The following CDC42BPA variants were observed in gnomAD, a reference collection of about 807,000 sequenced individuals.
CDC42BPA encodes the protein serine/threonine-protein kinase MRCK alpha.
In CDC42BPA, 80 loss-of-function variants were observed where a neutral mutation model predicts 223.5. That is an observed-to-expected ratio of 0.36 (90% CI 0.30 to 0.43). The LOEUF is 0.43. CDC42BPA is among the 20% of genes least tolerant of loss of function. CDC42BPA has a pLI of 1.00. For missense variants in CDC42BPA, 1,743 were observed against 2,099.9 expected (o/e 0.83, Z 3.32); for synonymous variants, 694 against 718.6 (o/e 0.97, Z 0.55).
chr1:227,052,723 A>C (rs950891826), intron 21 of CDC42BPA, among the ~76,000 whole-genome samples: 1 of 152,208 alleles, frequency 6.6e-6, no homozygotes, highest in Non-Finnish European at 1.5e-5. Context: ...GTTGTACAGC[A>C]AAACAATGTT....
intron 17 of CDC42BPA, among the ~76,000 whole-genome samples, chr1:227,076,649 G>A (rs1679545003): frequency 6.6e-6 from 1 of 152,138 alleles, no homozygotes; most frequent in Admixed American, 6.5e-5. Context: ...TTAGAGGTAG[G>A]TGTCTTATCT....
At chr1:227,077,679 C>T (rs541441771) in intron 17 of CDC42BPA, among the ~76,000 whole-genome samples, 1 of 152,128 alleles carries the variant, frequency 6.6e-6, no homozygotes, top group African/African-American at 2.4e-5. Flanking sequence ...GAAATCTCTA[C>T]TAAGATGTCT....
At chr1:227,204,588 A>G (rs1306453652) in intron 3 of CDC42BPA, among the ~76,000 whole-genome samples, 2 of 152,160 alleles carry the variant, frequency 1.3e-5, no homozygotes, top group African/African-American at 4.8e-5. Flanking sequence ...CCTTGAAATC[A>G]TTTCAACTTC....
intron 35 of CDC42BPA, among the ~76,000 whole-genome samples, chr1:226,996,031 CATAA>C (rs887879341): frequency 2.2e-4 from 33 of 152,316 alleles, no homozygotes; most frequent in African/African-American, 7.5e-4. Context: ...CACAAGCGTT[CATAA>C]ATAAACTGAA....
intron 32 of CDC42BPA, among the ~76,000 whole-genome samples, chr1:227,020,814 T>C (rs530308806): frequency 1.3e-5 from 2 of 152,370 alleles, no homozygotes; most frequent in East Asian, 3.9e-4. Context: ...GCTTGCAGCC[T>C]ATCTCGACTT....
intron 1 of CDC42BPA, among the ~76,000 whole-genome samples, chr1:227,269,009 A>G (rs1381529818): frequency 6.6e-6 from 1 of 152,174 alleles, no homozygotes; most frequent in Non-Finnish European, 1.5e-5. Flanking sequence ...TATTTAAAAA[A>G]AAGTCTGGTA....
rs59744442 is a variant in CDC42BPA, at chr1:227,179,635, C to CAAAAAAA, written c.599+14144_599+14150dup. ...TGGGCAACAGAGCGAGCCTCCATCT[C>CAAAAAAA]AAAAAAAAAAAAAAAAAAAAAAAAA... On this transcript the variant is annotated intron_variant, in intron 5 of 36. Transcript: ENST00000366766. Among the ~76,000 whole-genome samples the CAAAAAAA allele has an allele frequency of 1.3e-3, 46 of 34,226 alleles. 10 individuals are homozygous for CAAAAAAA. The highest frequency in any genetic ancestry group is 4.0e-3 in the South Asian group (2 of 506). 22.5% of individuals were successfully genotyped at this position (34,226 alleles called of 152,430 possible).
Position 227,028,787 on chromosome 1 carries a change from A to G in CDC42BPA, c.4302T>C (p.Ala1434=). The change falls in exon 30 of 37, where the codon GCT becomes GCC. Residue 1434 remains alanine (A), a synonymous_variant. Coordinates refer to ENST00000366766, the MANE Select transcript of CDC42BPA (RefSeq NM_001394014.1). The part of the protein sequence containing the change: ...LSFIAHQPMD[A]ICAVEISSKE... The stretch of plus-strand genomic sequence containing the variant: ...TACTGGAGATCTCAACTGCGCAGAT[A>G]GCATCCATTGGTTGATGTGCAATAA... The G allele has an allele frequency of 6.2e-7, 1 of 1,614,078 alleles. No homozygotes were observed. Among genetic ancestry groups the G allele is most frequent in the African/African-American group, 1.3e-5 (1 of 75,056 alleles).
At chr1:227,257,534 G>A (rs1683297831) in intron 1 of CDC42BPA, among the ~76,000 whole-genome samples, 1 of 150,840 alleles carries the variant, frequency 6.6e-6, no homozygotes, top group Admixed American at 6.6e-5. Flanking sequence ...TGAATCACCT[G>A]AGGTCAGGAG....
At chr1:227,043,181 A>T (rs1474310836) in intron 23 of CDC42BPA, among the ~76,000 whole-genome samples, 4 of 152,124 alleles carry the variant, frequency 2.6e-5, no homozygotes, top group Non-Finnish European at 5.9e-5. Context: ...TTGGGAGGCC[A>T]AGGAGGGCGG....
intron 21 of CDC42BPA, chr1:227,059,359 C>T (rs1009332355): frequency 1.9e-6 from 3 of 1,559,516 alleles, no homozygotes; most frequent in African/African-American, 2.7e-5. Flanking sequence ...ACATAAAGTG[C>T]AAAAGTCTCT....
chr1:227,081,457 T>TC lies in CDC42BPA; in HGVS notation c.2356-441_2356-440insG, dbSNP rs1491190725. On this transcript the variant is annotated intron_variant, in intron 16 of 36. Transcript: ENST00000366766. ...CACTTGTACGCCTGTTCTCTCTCTC[T>TC]TTTTTTTTTTTTCAGACAGAGTTTT... Among the ~76,000 whole-genome samples, 382 of 66,346 alleles carry TC rather than the reference T, an allele frequency of 5.8e-3. 2 individuals are homozygous for TC. Among genetic ancestry groups the TC allele is most frequent in the Non-Finnish European group, 9.7e-3 (301 of 30,944 alleles). The allele number at this position is 66,346 out of a possible 152,430, so 43.5% of individuals were successfully genotyped here.
intron 2 of CDC42BPA, among the ~76,000 whole-genome samples, chr1:227,239,204 T>C (rs371045374): frequency 2.6e-5 from 4 of 152,102 alleles, no homozygotes; most frequent in South Asian, 2.1e-4. Context: ...CTAACTATTC[T>C]GGAAAAGGCA....
intron 2 of CDC42BPA, chr1:227,234,271 G>A (rs1365042095): frequency 1.3e-5 from 2 of 152,164 alleles, no homozygotes; most frequent in African/African-American, 2.4e-5. Flanking sequence ...ATGCCAACAT[G>A]AGCTATGCAA....
Position 227,029,193 on chromosome 1 carries a change from T to G in CDC42BPA, c.3896A>C (p.Asp1299Ala). ...KIHQIELIPN[D>A]QLVAVISGRN... ...TCCTGAGATCACAGCAACAAGCTGA[T>G]CATTTGGAATGAGTTCAATCTGATG... is the stretch of plus-strand genomic sequence containing the variant. The change falls in exon 30 of 37, where the codon GAT (aspartate) becomes GCT (alanine). Residue 1299 changes from aspartate to alanine, a missense_variant. Physicochemically the swap from Asp to Ala is moderately radical, Grantham distance 126. Around this residue, in one of 6 missense-constraint regions of CDC42BPA, gnomAD observed 678 missense variants for 777.5 expected, o/e 0.87. Transcript: ENST00000366766. The G allele has an allele frequency of 6.2e-7, 1 of 1,601,064 alleles. No homozygotes were observed. Among genetic ancestry groups the G allele is most frequent in the South Asian group, 1.1e-5 (1 of 91,062 alleles).
At chr1:227,079,342 A>G (rs770635320) in intron 17 of CDC42BPA, among the ~76,000 whole-genome samples, 13 of 152,092 alleles carry the variant, frequency 8.5e-5, no homozygotes, top group Non-Finnish European at 1.9e-4. Context: ...CCTTTCTACA[A>G]AGCCCACATT....
rs1673613302 is a variant in CDC42BPA, at chr1:227,051,969, T to C, written c.2921A>G (p.Asn974Ser). 2 of 1,365,958 alleles carry C rather than the reference T, an allele frequency of 1.5e-6. No individual in the cohort carries two copies. Among genetic ancestry groups the C allele is most frequent in the Admixed American group, 1.9e-5 (1 of 52,524 alleles). The allele number at this position is 1,365,958 out of a possible 1,614,324, so 84.6% of individuals were successfully genotyped here. A position where few individuals can be genotyped will look rare whatever the true frequency, so the allele number is the denominator to read the frequency against. ...LDQFETDPVENTYVWNPSVKF... is the reference protein window; with the variant it reads ...LDQFETDPVESTYVWNPSVKF... The stretch of plus-strand genomic sequence containing the variant: ...GACGCTCGGGTTCCATACATATGTG[T>C]TCTCAACGGGATCAGTCTAGGAAAA... Residue 974 changes from asparagine (N) to serine (S), a missense_variant, in exon 22 of 37, where the codon AAC becomes AGC. Transcript: ENST00000366766.
chr1:227,187,672 ACCCCCC>A (rs1669019298), intron 5 of CDC42BPA, among the ~76,000 whole-genome samples: 2 of 39,594 alleles, frequency 5.1e-5, no homozygotes, highest in African/African-American at 1.1e-4. Flanking sequence ...GATAAATGGC[ACCCCCC>A]ACCCCCCCCC....
intron 1 of CDC42BPA, among the ~76,000 whole-genome samples, chr1:227,261,124 C>CTTTCTTTT (rs386417862): frequency 8.3e-6 from 1 of 121,000 alleles, no homozygotes; most frequent in African/African-American, 3.2e-5. Flanking sequence ...TTGAGTTTTT[C>CTTTCTTTT]TTTTTTTTTG....
Sources: allele counts gnomAD v4.1 joint callset (sites outside exome capture counted in the v4.1 genomes callset), GRCh38; gene constraint gnomAD v4.1.1; regional missense constraint gnomAD v4.1.1; transcripts MANE v1.5; gene names NCBI Gene and HGNC (gene_info 2026-07-23, HGNC 2026-07-21).